Variants in RASGRF2 observed in about 807,000 individuals in gnomAD.
The protein encoded by RASGRF2 is ras-specific guanine nucleotide-releasing factor 2.
Under a neutral mutation model 151.0 loss-of-function variants are expected in RASGRF2, and 76 were observed. The observed-to-expected ratio is 0.50, with a 90% CI of 0.42 to 0.61. The LOEUF (loss-of-function observed/expected upper bound fraction) is 0.61. Ranked by LOEUF, RASGRF2 falls within the 20% of genes least tolerant of loss-of-function variation. RASGRF2 has a pLI of 0.00. For missense variants in RASGRF2, 1,148 were observed against 1,564.6 expected, an observed-to-expected ratio of 0.73 and a Z score of 4.49; for synonymous variants, 504 against 566.5, an observed-to-expected ratio of 0.89 and a Z score of 1.57.
intron 1 of RASGRF2, among the ~76,000 whole-genome samples, chr5:80,962,250 T>G (rs1021801387): frequency 6.6e-6 from 1 of 152,216 alleles, no homozygotes; most frequent in African/African-American, 2.4e-5. Context: ...TTAAATATGC[T>G]CTTTAGTTTC....
chr5:81,032,903 A>G (rs1011120052), intron 1 of RASGRF2, among the ~76,000 whole-genome samples: 1 of 152,190 alleles, frequency 6.6e-6, no homozygotes, highest in Non-Finnish European at 1.5e-5. Flanking sequence ...AAACCCCATC[A>G]TCTCAGCTCA....
Position 81,201,457 on chromosome 5 carries a change from A to G in RASGRF2, c.2906+15A>G. On this transcript the variant is annotated intron_variant, in intron 19 of 26. Coordinates refer to ENST00000265080, the MANE Select transcript of RASGRF2 (RefSeq NM_006909.3). Reference sequence around the variant, plus strand: ...AATATCCTCAGGTGAAGGCAGCTGAAGATGCCGACTGGATGACATTGGTTG... The same window carrying G: ...AATATCCTCAGGTGAAGGCAGCTGAGGATGCCGACTGGATGACATTGGTTG... 1 of 1,606,694 alleles carries G rather than the reference A, an allele frequency of 6.2e-7. No individual in the cohort carries two copies. The highest frequency in any genetic ancestry group is 8.5e-7 in the Non-Finnish European group (1 of 1,176,882).
intron 15 of RASGRF2, among the ~76,000 whole-genome samples, chr5:81,122,212 G>T (rs1459926683): frequency 6.6e-6 from 1 of 152,136 alleles, no homozygotes; most frequent in African/African-American, 2.4e-5. Flanking sequence ...AATTTCCTGG[G>T]TTCAATGTAA....
At chr5:80,998,079 A>C (rs1298689362) in intron 1 of RASGRF2, 4 of 152,134 alleles carry the variant, frequency 2.6e-5, no homozygotes, top group Admixed American at 1.3e-4. Flanking sequence ...CAGGGTAGGA[A>C]CTGGTGCCAA....
intron 17 of RASGRF2, among the ~76,000 whole-genome samples, chr5:81,173,232 G>C (rs1278303313): frequency 6.6e-6 from 1 of 152,026 alleles, no homozygotes; most frequent in African/African-American, 2.4e-5. Context: ...CAAAAAATTA[G>C]GCAGGTGTGA....
chr5:81,219,850 A>T lies in RASGRF2; in HGVS notation c.3621+72A>T, dbSNP rs369484161. On this transcript the variant is annotated intron_variant, in intron 26 of 26. Transcript: ENST00000265080. ...ATTAATGAATTAGAAAACAACAGTA[A>T]AAGTTGATCCAAAATACCAAAAGCT... 3.1e-6 allele frequency: 4 copies of T among 1,291,280 alleles called. No homozygotes were observed. The Admixed American group carries it at 8.0e-5, about 26-fold the overall frequency. 80.0% of individuals were successfully genotyped at this position (1,291,280 alleles called of 1,614,324 possible). A position where few individuals can be genotyped will look rare whatever the true frequency, so the allele number is the denominator to read the frequency against.
chr5:81,052,158 C>T (rs1252427834), intron 2 of RASGRF2, among the ~76,000 whole-genome samples: 1 of 152,148 alleles, frequency 6.6e-6, no homozygotes, highest in African/African-American at 2.4e-5. Flanking sequence ...ATGAAAGTCT[C>T]AGTGTTAGGA....
intron 1 of RASGRF2, among the ~76,000 whole-genome samples, chr5:81,005,041 T>G (rs1476553541): frequency 1.3e-5 from 2 of 152,226 alleles, no homozygotes. Context: ...CCCCCAGTCC[T>G]AGGCAACCCC....
In RASGRF2 at chr5:81,082,611, C is replaced by A. The variant is rs141198231; in HGVS notation, c.1161+1822C>A. On this transcript the variant is annotated intron_variant, in intron 7 of 26. Transcript: ENST00000265080. ...TGATGTGGTGATCCTAGAGTGACTACACTAGTTCTGATGTTTTGGATTGGG... is the reference window on the plus strand; with the variant it reads ...TGATGTGGTGATCCTAGAGTGACTAAACTAGTTCTGATGTTTTGGATTGGG... 6.7e-4 allele frequency among the ~76,000 whole-genome samples: 102 copies of A among 152,320 alleles called. 2 individuals carry two copies. Among genetic ancestry groups the A allele is most frequent in the African/African-American group, 2.3e-3 (97 of 41,580 alleles).
At chr5:81,150,278 C>A (rs1194597345) in intron 17 of RASGRF2, among the ~76,000 whole-genome samples, 1 of 152,122 alleles carries the variant, frequency 6.6e-6, no homozygotes, top group African/African-American at 2.4e-5. Context: ...AGCTGTGTGA[C>A]CTGGGGCAGC....
At chr5:81,013,048 C>T (rs181140237) in intron 1 of RASGRF2, among the ~76,000 whole-genome samples, 96 of 152,246 alleles carry the variant, frequency 6.3e-4, no homozygotes, top group Middle Eastern at 3.4e-3. Context: ...GCCCCAAATA[C>T]GGTAATGGCT....
chr5:81,087,181 T>C (rs1468614700), intron 9 of RASGRF2: 4 of 703,196 alleles, frequency 5.7e-6, no homozygotes, highest in Non-Finnish European at 1.0e-5. Context: ...GGGCAGGCAG[T>C]TACATTCTGA....
intron 1 of RASGRF2, among the ~76,000 whole-genome samples, chr5:81,035,950 A>T (rs1243073393): frequency 1.3e-5 from 2 of 152,206 alleles, no homozygotes; most frequent in Non-Finnish European, 2.9e-5. Context: ...GTAAAAAGGA[A>T]TATGGAGAAG....
At chr5:81,029,237 A>G (rs1482356315) in intron 1 of RASGRF2, among the ~76,000 whole-genome samples, 1 of 152,252 alleles carries the variant, frequency 6.6e-6, no homozygotes, top group Non-Finnish European at 1.5e-5. Flanking sequence ...GCATAGCTGA[A>G]CAAAAGGCAG....
chr5:80,969,454 CTT>C (rs1336281599), intron 1 of RASGRF2, among the ~76,000 whole-genome samples: 2 of 126,044 alleles, frequency 1.6e-5, no homozygotes, highest in Non-Finnish European at 1.7e-5. Context: ...TTTCTTTTTT[CTT>C]TTTTTTTTTT....
intron 18 of RASGRF2, among the ~76,000 whole-genome samples, chr5:81,200,546 A>G (rs1755365491): frequency 6.6e-6 from 1 of 152,232 alleles, no homozygotes; most frequent in Non-Finnish European, 1.5e-5. Flanking sequence ...GTAGATATAG[A>G]TATTGATAGC....
intron 2 of RASGRF2, among the ~76,000 whole-genome samples, chr5:81,056,164 T>G (rs1751203972): frequency 6.6e-6 from 1 of 152,216 alleles, no homozygotes; most frequent in Admixed American, 6.5e-5. Flanking sequence ...TTTTGCCTTC[T>G]GCTGGCTTTT....
chr5:81,062,100 C>G (rs1751461074), intron 2 of RASGRF2, among the ~76,000 whole-genome samples: 1 of 151,940 alleles, frequency 6.6e-6, no homozygotes, highest in African/African-American at 2.4e-5. Context: ...CCTCAGCTTC[C>G]CAAAGTGTTG....
At chr5:80,974,009 T>A (rs34994) in intron 1 of RASGRF2, among the ~76,000 whole-genome samples, 16 of 151,988 alleles carry the variant, frequency 1.1e-4, no homozygotes, top group Non-Finnish European at 2.4e-4. Flanking sequence ...GGAGCAGTAG[T>A]GGGTAATGCT....
Sources: gnomAD v4.1 joint callset for allele counts (sites outside exome capture counted in the v4.1 genomes callset) on GRCh38, gnomAD v4.1.1 for gene constraint, MANE v1.5 for transcripts, NCBI Gene and HGNC (gene_info 2026-07-23, HGNC 2026-07-21) for gene names.